GRAMD1B: variants seen among roughly 807,000 people sequenced by gnomAD.
The protein encoded by GRAMD1B is GRAM domain containing 1B.
GRAMD1B carries 37 observed loss-of-function variants against 99.7 expected under a neutral mutation model. That is an observed-to-expected ratio of 0.37 (90% CI 0.29 to 0.49). The LOEUF is 0.49. Among genes scored for constraint, GRAMD1B ranks in the 20% least tolerant of loss-of-function variants. GRAMD1B has a pLI of 0.98. For synonymous variants in GRAMD1B, 427 were observed against 387.6 expected, an observed-to-expected ratio of 1.10 and a Z score of -1.19; for missense variants, 888 against 1,009.2, an observed-to-expected ratio of 0.88 and a Z score of 1.63.
intron 2 of GRAMD1B, among the ~76,000 whole-genome samples, chr11:123,488,124 G>A (rs539133010): frequency 2.0e-5 from 3 of 152,160 alleles, no homozygotes; most frequent in Admixed American, 6.5e-5. Flanking sequence ...GTAAAAAGGA[G>A]AACTCTGATC....
rs540141231 is a variant in GRAMD1B, at chr11:123,430,942, C to G, written c.150C>G (p.Asn50Lys). 2 of 702,844 alleles carry G rather than the reference C, an allele frequency of 2.8e-6. No individual in the cohort carries two copies. The highest frequency in any genetic ancestry group is 3.0e-5 in the South Asian group (2 of 67,598). The allele number at this position is 702,844 out of a possible 1,614,324, so 43.5% of individuals were successfully genotyped here. Residue 50 changes from asparagine to lysine, a missense_variant, in exon 1 of 20, where the codon AAC becomes AAG. Physicochemically the swap from Asn to Lys is moderately conservative, Grantham distance 94. This residue lies in a region of GRAMD1B where 233 missense variants were observed against 154.6 expected (regional missense o/e 1.51). Coordinates refer to ENST00000635736, the MANE Select transcript of GRAMD1B (RefSeq NM_001387025.1). Reference sequence around the variant, plus strand: ...GCTTCAAGATGCGCCGCATGAAGAACGTACAGGAGCAGAGCCTGGAGGCCG... The same window carrying G: ...GCTTCAAGATGCGCCGCATGAAGAAGGTACAGGAGCAGAGCCTGGAGGCCG... ...RRRFKMRRMKNVQEQSLEAGL... is the reference protein window; with the variant it reads ...RRRFKMRRMKKVQEQSLEAGL...
At chr11:123,500,524 T>A (rs1939745360) in intron 2 of GRAMD1B, among the ~76,000 whole-genome samples, 1 of 152,162 alleles carries the variant, frequency 6.6e-6, no homozygotes, top group South Asian at 2.1e-4. Flanking sequence ...ATGAAGAAAT[T>A]GATAACTATA....
At chr11:123,378,798 C>G (rs548905575) in intron 1 of GRAMD1B, among the ~76,000 whole-genome samples, 1 of 152,306 alleles carries the variant, frequency 6.6e-6, no homozygotes, top group South Asian at 2.1e-4. Flanking sequence ...TATCCCAGAC[C>G]AAGCAAGCAA....
chr11:123,584,777 C>A (rs1222834666), intron 4 of GRAMD1B, among the ~76,000 whole-genome samples: 1 of 152,120 alleles, frequency 6.6e-6, no homozygotes, highest in African/African-American at 2.4e-5. Context: ...GGATTTGACC[C>A]CTGTCCCAAG....
At chr11:123,526,635 G>A (rs948906084) in intron 2 of GRAMD1B, among the ~76,000 whole-genome samples, 3 of 152,146 alleles carry the variant, frequency 2.0e-5, no homozygotes, top group African/African-American at 4.8e-5. Flanking sequence ...GCTGCTTAGG[G>A]CGGGCAGTCC....
At chr11:123,369,313 A>G (rs1946438094) in intron 1 of GRAMD1B, among the ~76,000 whole-genome samples, 1 of 152,142 alleles carries the variant, frequency 6.6e-6, no homozygotes, top group South Asian at 2.1e-4. Flanking sequence ...AAAAGAAAAA[A>G]AGGAAATCGC....
Position 123,552,273 on chromosome 11 carries a change from CTTTT to C in GRAMD1B, c.453-25078_453-25075del, listed in dbSNP as rs71060514. The stretch of plus-strand genomic sequence containing the variant: ...ACACACAGTTGTCTTCTCTTTCTTT[CTTTT>C]TTTTTTTTTTTTTTTGATTTTTTTA... On this transcript the variant is annotated intron_variant, in intron 2 of 19. Transcript: ENST00000635736. Among the ~76,000 whole-genome samples, 46 of 119,348 alleles carry C rather than the reference CTTTT, an allele frequency of 3.9e-4. No individual in the cohort carries two copies. In the East Asian group the frequency reaches 5.1e-3, roughly 13 times the overall value. 78.3% of individuals were successfully genotyped at this position (119,348 alleles called of 152,430 possible). A position where few individuals can be genotyped will look rare whatever the true frequency, so the allele number is the denominator to read the frequency against.
intron 2 of GRAMD1B, among the ~76,000 whole-genome samples, chr11:123,493,421 C>G (rs531260864): frequency 3.3e-5 from 5 of 152,078 alleles, no homozygotes; most frequent in Non-Finnish European, 5.9e-5. Flanking sequence ...GAGTTTTGAG[C>G]AGGAGGTTTG....
At chr11:123,569,362 G>T (rs1390901103) in intron 2 of GRAMD1B, among the ~76,000 whole-genome samples, 1 of 152,144 alleles carries the variant, frequency 6.6e-6, no homozygotes, top group Non-Finnish European at 1.5e-5. Context: ...GGAATTGGGG[G>T]CCCTGCTGGT....
chr11:123,415,193 A>G (rs1422238440), intron 1 of GRAMD1B, among the ~76,000 whole-genome samples: 1 of 138,500 alleles, frequency 7.2e-6, no homozygotes. Context: ...ACCTCCGCCA[A>G]CCAGGTTCAA....
intron 2 of GRAMD1B, among the ~76,000 whole-genome samples, chr11:123,508,099 G>T (rs1940616691): frequency 6.6e-6 from 1 of 152,176 alleles, no homozygotes; most frequent in Non-Finnish European, 1.5e-5. Context: ...AACGATCTTA[G>T]TATATTTTCT....
intron 2 of GRAMD1B, among the ~76,000 whole-genome samples, chr11:123,567,775 G>T (rs1947557180): frequency 6.6e-6 from 1 of 152,188 alleles, no homozygotes; most frequent in South Asian, 2.1e-4. Flanking sequence ...TCTTCTCCTT[G>T]CCTGAGCAGG....
chr11:123,377,423 A>G (rs1163465092), intron 1 of GRAMD1B, among the ~76,000 whole-genome samples: 1 of 152,198 alleles, frequency 6.6e-6, no homozygotes, highest in Admixed American at 6.5e-5. Context: ...TGGGTGCAGG[A>G]AAAAGGAAAG....
chr11:123,565,972 A>G (rs1947327099), intron 2 of GRAMD1B, among the ~76,000 whole-genome samples: 1 of 152,220 alleles, frequency 6.6e-6, no homozygotes, highest in Non-Finnish European at 1.5e-5. Context: ...AACTAGCTGA[A>G]TATATGCCTA....
intron 1 of GRAMD1B, among the ~76,000 whole-genome samples, chr11:123,359,268 A>T (rs748497130): frequency 3.2e-5 from 4 of 124,736 alleles, no homozygotes; most frequent in Admixed American, 1.6e-4. Context: ...CTGCCCCATC[A>T]GTCTTACGCC....
intron 1 of GRAMD1B, among the ~76,000 whole-genome samples, chr11:123,370,800 A>G (rs1482425219): frequency 6.6e-6 from 1 of 152,164 alleles, no homozygotes; most frequent in African/African-American, 2.4e-5. Flanking sequence ...ATTTCCATAC[A>G]GTGTTCTGTT....
chr11:123,607,231 A>T (rs2136884707), intron 11 of GRAMD1B, among the ~76,000 whole-genome samples: 1 of 152,326 alleles, frequency 6.6e-6, no homozygotes, highest in South Asian at 2.1e-4. Context: ...CAGCTAGAAG[A>T]AAAGGTGTTG....
Position 123,492,895 on chromosome 11 carries a change from C to CACAT in GRAMD1B, c.452+12002_452+12003insACAT, listed in dbSNP as rs1555043308. ...ACACACACACACACACACACACACA[C>CACAT]GCATAGGCATAGATGCCTGTGATTG... On this transcript the variant is annotated intron_variant, in intron 2 of 19. Coordinates refer to ENST00000635736, the MANE Select transcript of GRAMD1B (RefSeq NM_001387025.1). This position sits in a 1 kb window ranked among gnomAD's most constrained non-coding sequence, Gnocchi z 4.2. Among the ~76,000 whole-genome samples the CACAT allele has an allele frequency of 4.6e-5, 7 of 151,600 alleles. No homozygotes were observed. Among genetic ancestry groups the CACAT allele is most frequent in the Non-Finnish European group, 8.8e-5 (6 of 67,902 alleles).
intron 2 of GRAMD1B, among the ~76,000 whole-genome samples, chr11:123,484,567 G>A (rs957936931): frequency 6.6e-6 from 1 of 152,142 alleles, no homozygotes; most frequent in Non-Finnish European, 1.5e-5. Flanking sequence ...CTTTATGGTG[G>A]ATGGGGATGT....
Sources: gnomAD v4.1 joint callset for allele counts (sites outside exome capture counted in the v4.1 genomes callset) on GRCh38, gnomAD v4.1.1 for gene constraint, gnomAD v4.1.1 regional missense constraint, Gnocchi (gnomAD v3.1) non-coding constraint, MANE v1.5 for transcripts, NCBI Gene and HGNC (gene_info 2026-07-23, HGNC 2026-07-21) for gene names.